Variants in PGAP6 observed in about 807,000 individuals in gnomAD.
PGAP6 encodes the protein post-GPI attachment to proteins 6, also known as post-GPI attachment to proteins factor 6.
Under a neutral mutation model 68.4 loss-of-function variants are expected in PGAP6, and 62 were observed. The observed-to-expected ratio is 0.91, with a 90% CI of 0.74 to 1.12. The LOEUF (loss-of-function observed/expected upper bound fraction) is 1.12, where lower values mean the gene tolerates loss of function less well. PGAP6 is among the 50% of genes most tolerant of loss of function. The probability of loss-of-function intolerance (pLI) is 0.00; values close to 1 mark genes in which losing one functional copy is unlikely to be tolerated. For missense variants in PGAP6, 1,188 were observed against 1,068.5 expected, an observed-to-expected ratio of 1.11 and a Z score of -1.56; for synonymous variants, 575 against 474.0, an observed-to-expected ratio of 1.21 and a Z score of -2.77.
intron 1 of PGAP6, among the ~76,000 whole-genome samples, chr16:379,029 G>C (rs146268859): frequency 6.6e-6 from 1 of 152,152 alleles, no homozygotes; most frequent in African/African-American, 2.4e-5. Context: ...TCCCTCCCTG[G>C]GTCCCAGCCT....
intron 6 of PGAP6, 98 bp from the exon 7 acceptor site, chr16:375,533 CTT>C (rs373943287): frequency 4.1e-3 from 3,054 of 737,050 alleles, no homozygotes; most frequent in Non-Finnish European, 4.7e-3. Context: ...TGGTGCCTTT[CTT>C]TTTTTTTTTT....
intron 2 of PGAP6, 35 bp downstream of exon 2, chr16:377,636 C>A (rs775813882): frequency 6.5e-7 from 1 of 1,548,928 alleles, no homozygotes; most frequent in East Asian, 2.5e-5. Context: ...TGGCCAGGCG[C>A]GGGAGGGTGG....
rs1459220743 is a variant in PGAP6 at position 374,046 on chromosome 16, T to A, written c.1861A>T (p.Thr621Ser). 6.2e-7 allele frequency: 1 copy of A among 1,611,782 alleles called. No homozygotes were observed. The highest frequency in any genetic ancestry group is 8.5e-7 in the Non-Finnish European group (1 of 1,179,914). ...FLGSGAAIWV[T>S]ILCMARLKTV... The stretch of plus-strand genomic sequence containing the variant: ...TTGAGCCGTGCCATGCACAGGATGG[T>A]GACCCAGATGGCCGCCCCGGAGCCC... The change falls in exon 11 of 13, where the codon ACC (threonine) becomes TCC (serine). Residue 621 changes from threonine (T) to serine (S), a missense_variant. Coordinates refer to ENST00000431232, the MANE Select transcript of PGAP6 (RefSeq NM_021259.3).
chr16:384,383 A>G (rs765603210), upstream of PGAP6: 1 of 152,246 alleles, frequency 6.6e-6, no homozygotes, highest in Non-Finnish European at 1.5e-5. Flanking sequence ...AGTGTTGGCA[A>G]TGGAGAGACT....
chr16:383,116 AAAAAACAAAAACACAAAAAC>A (rs1438584862), upstream of PGAP6, among the ~76,000 whole-genome samples: 2 of 151,666 alleles, frequency 1.3e-5, no homozygotes, highest in Admixed American at 6.6e-5. Flanking sequence ...ACTCCGTCTC[AAAAAACAAAAACACAAAAAC>A]AAAAACAAAA....
chr16:372,429 C>T, intron 12 of PGAP6, 146 bp from the exon 13 acceptor site: 1 of 1,028,522 alleles, frequency 9.7e-7, no homozygotes, highest in Non-Finnish European at 1.4e-6. Context: ...CTCAAGGCCA[C>T]TGGTCCTCAG....
chr16:384,607 G>T (rs1405671494), upstream of PGAP6, among the ~76,000 whole-genome samples: 1 of 152,210 alleles, frequency 6.6e-6, no homozygotes, highest in African/African-American at 2.4e-5. Context: ...TGTAATCCCA[G>T]TACTTTGGGA....
rs745765222 is a variant in PGAP6, at chr16:375,266, A to G, written c.1316-10T>C. The G allele has an allele frequency of 1.9e-6, 3 of 1,612,826 alleles. No homozygotes were observed. In the South Asian group the frequency reaches 3.3e-5, roughly 18 times the overall value. ...TAGCCCTGGAAGAAGGCTGCAGGGG[A>G]GCCAGAGGGCCCCATCAGAGGAGGC... On this transcript the variant is annotated splice_polypyrimidine_tract_variant and intron_variant, in intron 7 of 12. Coordinates refer to ENST00000431232, the MANE Select transcript of PGAP6 (RefSeq NM_021259.3).
intron 12 of PGAP6, 106 bp downstream of exon 12, chr16:372,505 T>A (rs766660530): frequency 9.8e-7 from 1 of 1,025,266 alleles, no homozygotes; most frequent in Non-Finnish European, 1.5e-6. Context: ...CCAGCAGATA[T>A]GGGCATTCAC....
In PGAP6 at chr16:375,211, C is replaced by G; in HGVS notation, c.1361G>C (p.Arg454Thr). The change falls in exon 8 of 13, where the codon AGG becomes ACG. Residue 454 changes from arginine to threonine, a missense_variant. Transcript: ENST00000431232. ...TGGGTAGGGGATGATGAGGTTGGCC[C>G]TGCGAGACCAGGCGCTCAGAGACAA... Reference protein sequence around the residue: ...YPLSLSAWSRRANLIIPYPET... With the variant: ...YPLSLSAWSRTANLIIPYPET... 2 of 1,613,344 alleles carry G rather than the reference C, an allele frequency of 1.2e-6. No individual in the cohort carries two copies. The highest frequency in any genetic ancestry group is 1.7e-6 in the Non-Finnish European group (2 of 1,179,968).
chr16:377,401 AG>A lies in PGAP6; in HGVS notation c.483del (p.Ser162HisfsTer7), dbSNP rs777809748. 2.5e-6 allele frequency: 4 copies of A among 1,602,444 alleles called. No individual in the cohort carries two copies. In the Admixed American group the frequency reaches 5.1e-5, roughly 20 times the overall value. ...ACCTTCAACTCGATCTTCTGGGATG[AG>A]GGGGGCAGGTGGGCGGCCACGAACC... ...GDWFVAAHLPPSSQKIELKGL... is the reference protein window; with the variant it reads ...GDWFVAAHLPXSSQKIELKGL... On this transcript the variant is annotated frameshift_variant, in exon 3 of 13. Coordinates refer to ENST00000431232, the MANE Select transcript of PGAP6 (RefSeq NM_021259.3). LOFTEE classifies it high-confidence loss of function.
At chr16:382,016 A>C (rs2054444818), upstream of PGAP6, 29 of 857,950 alleles carry the variant, frequency 3.4e-5, no homozygotes, top group Admixed American at 1.8e-4. Context: ...CGAGCCGGGA[A>C]GGCGAGGGCG....
At chr16:373,712 C>T (rs888354673) in intron 11 of PGAP6, among the ~76,000 whole-genome samples, 2 of 152,210 alleles carry the variant, frequency 1.3e-5, no homozygotes, top group African/African-American at 2.4e-5. Context: ...GCTAACTTTT[C>T]GATTTTTTGT....
At chr16:379,277 C>T (rs2054418787) in intron 1 of PGAP6, among the ~76,000 whole-genome samples, 1 of 152,180 alleles carries the variant, frequency 6.6e-6, no homozygotes, top group Non-Finnish European at 1.5e-5. Context: ...GCAGCAGGCT[C>T]TCCTGCCAGC....
At chr16:380,969 G>C (rs977744309) in intron 1 of PGAP6, among the ~76,000 whole-genome samples, 3 of 152,232 alleles carry the variant, frequency 2.0e-5, no homozygotes, top group Non-Finnish European at 4.4e-5. Context: ...CACCATCTCA[G>C]GGTGGCCAAG....
chr16:371,939 C>A lies in PGAP6; in HGVS notation c.*48G>T. 1 of 1,581,802 alleles carries A rather than the reference C, an allele frequency of 6.3e-7. No homozygotes were observed. ...ACCAGGCGCCTCCCCCTCGATACAG[C>A]TCCTGGCTGAAGAGGTCATCAGAGC... On this transcript the variant is annotated 3_prime_UTR_variant, in exon 13 of 13. Transcript: ENST00000431232.
chr16:378,036 C>A (rs1194533022), intron 1 of PGAP6, among the ~76,000 whole-genome samples, 188 bp from the exon 2 acceptor site: 1 of 152,096 alleles, frequency 6.6e-6, no homozygotes, highest in Non-Finnish European at 1.5e-5. Context: ...CCTCTGCTGT[C>A]CCTCCCCAGA....
At chr16:382,093 G>GT (rs1567327418), upstream of PGAP6, 76 of 364,550 alleles carry the variant, frequency 2.1e-4, 2 homozygotes, top group Non-Finnish European at 1.5e-4. Flanking sequence ...GCGCCGGTAG[G>GT]GGGGAGGGGT....
upstream of PGAP6, among the ~76,000 whole-genome samples, chr16:383,857 G>C (rs2054464864): frequency 6.6e-6 from 1 of 152,164 alleles, no homozygotes; most frequent in Admixed American, 6.5e-5. Flanking sequence ...TTACGGAGCG[G>C]GGGAGGGGAA....
Sources: gnomAD v4.1 joint callset for allele counts (sites outside exome capture counted in the v4.1 genomes callset) on GRCh38, gnomAD v4.1.1 for gene constraint, MANE v1.5 for transcripts, NCBI Gene and HGNC (gene_info 2026-07-23, HGNC 2026-07-21) for gene names.